The following RNASEL variants were observed in gnomAD, a reference collection of about 807,000 sequenced individuals.
The protein encoded by RNASEL is ribonuclease L, also known as 2-5A-dependent ribonuclease.
Under a neutral mutation model 50.9 loss-of-function variants are expected in RNASEL, and 36 were observed. That is an observed-to-expected ratio of 0.71 (90% CI 0.54 to 0.93). RNASEL has a LOEUF of 0.93. Among genes scored for constraint, RNASEL ranks in the 40% least tolerant of loss-of-function variants. The probability of loss-of-function intolerance (pLI) is 0.00; values close to 1 mark genes in which losing one functional copy is unlikely to be tolerated. For synonymous variants in RNASEL, 335 were observed against 335.6 expected (o/e 1.00, Z 0.02); for missense variants, 860 against 894.5 (o/e 0.96, Z 0.49).
intron 3 of RNASEL, among the ~76,000 whole-genome samples, chr1:182,583,495 T>C (rs1285015249): frequency 5.3e-5 from 8 of 152,126 alleles, no homozygotes; most frequent in Non-Finnish European, 1.0e-4. Flanking sequence ...GAGTGTCAAC[T>C]TGATTGAGTT....
At position 182,586,447 on chromosome 1, in the gene RNASEL, C is replaced by G; in HGVS notation, c.360G>C (p.Glu120Asp). ...LFLSKGADVN[E>D]CDFYGFTAFM... ...AGGCTGTGAAGCCATAAAAATCACA[C>G]TCATTGACATCTGCTCCTTTAGAAA... The change falls in exon 2 of 7, where the codon GAG becomes GAC. Residue 120 changes from glutamate (E) to aspartate (D), a missense_variant. Transcript: ENST00000367559. The G allele has an allele frequency of 6.2e-7, 1 of 1,614,224 alleles. No homozygotes were observed. The highest frequency in any genetic ancestry group is 8.5e-7 in the Non-Finnish European group (1 of 1,180,026).
chr1:182,587,841 T>G (rs886444155), intron 1 of RNASEL, among the ~76,000 whole-genome samples: 9 of 152,244 alleles, frequency 5.9e-5, no homozygotes, highest in African/African-American at 2.2e-4. Context: ...CTTATGTTTT[T>G]TGACTTTGAT....
chr1:182,588,083 G>A (rs543809726), intron 1 of RNASEL, among the ~76,000 whole-genome samples: 27 of 152,290 alleles, frequency 1.8e-4, no homozygotes, highest in African/African-American at 2.6e-4. Flanking sequence ...AAGCTATGAC[G>A]TTCAGTAGAT....
intron 5 of RNASEL, among the ~76,000 whole-genome samples, chr1:182,580,427 G>C (rs1297815896): frequency 6.6e-6 from 1 of 152,214 alleles, no homozygotes; most frequent in African/African-American, 2.4e-5. Context: ...GGAAGCTGTT[G>C]GTTTCCAAGA....
chr1:182,576,175 T>A, intron 6 of RNASEL, 81 bp downstream of exon 6: 1 of 1,451,894 alleles, frequency 6.9e-7, no homozygotes, highest in South Asian at 1.2e-5. Flanking sequence ...CTTTTTTCCA[T>A]CGTAGATATA....
chr1:182,586,285 G>A lies in RNASEL; in HGVS notation c.522C>T (p.Asp174=), dbSNP rs771198323. 5.0e-6 allele frequency: 8 copies of A among 1,614,020 alleles called. No homozygotes were observed. Among genetic ancestry groups the A allele is most frequent in the Admixed American group, 1.7e-5 (1 of 59,992 alleles). The stretch of plus-strand genomic sequence containing the variant: ...CCTCTACGTGTCCTTTTTCAGCAGC[G>A]TCCATGAGAGCTGTGGCCCCTCCTT... ...LRKGGATALM[D]AAEKGHVEVL... is the part of the protein sequence containing the mutation. Residue 174 remains aspartate, a synonymous_variant, in exon 2 of 7, where the codon GAC becomes GAT. Coordinates refer to ENST00000367559, the MANE Select transcript of RNASEL (RefSeq NM_021133.4).
Position 182,574,591 on chromosome 1 carries a change from G to T in RNASEL, c.*801C>A, listed in dbSNP as rs1481112247. The T allele has an allele frequency of 4.3e-6, 1 of 232,550 alleles. No homozygotes were observed. The highest frequency in any genetic ancestry group is 8.5e-6 in the Non-Finnish European group (1 of 117,832). The allele number at this position is 232,550 out of a possible 1,614,324, so 14.4% of individuals were successfully genotyped here. ...TGTCTGGATAATTCTTTGTTGCAGG[G>T]GCTGTCCTGTGCAAGGCAGGTTTGG... On this transcript the variant is annotated 3_prime_UTR_variant, in exon 7 of 7. Coordinates refer to ENST00000367559, the MANE Select transcript of RNASEL (RefSeq NM_021133.4).
At position 182,575,555 on chromosome 1, in the gene RNASEL, G is replaced by A. The variant is rs1236737170; in HGVS notation, c.2063C>T (p.Pro688Leu). 1.9e-6 allele frequency: 3 copies of A among 1,614,154 alleles called. No homozygotes were observed. Among genetic ancestry groups the A allele is most frequent in the Middle Eastern group, 1.7e-4 (1 of 6,060 alleles). Residue 688 changes from proline to leucine, a missense_variant, in exon 7 of 7, where the codon CCT (proline) becomes CTT (leucine). Pro to Leu is a moderately conservative substitution (Grantham distance 98). Transcript: ENST00000367559. ...HKKMKLKIGD[P>L]SLYFQKTFPD... ...AAATGTCTTCTGAAAATACAGGGAA[G>A]GGTCTCCAATTTTTAATTTCATCCT...
chr1:182,579,796 T>A, intron 5 of RNASEL: 18 of 1,068,116 alleles, frequency 1.7e-5, no homozygotes, highest in South Asian at 6.7e-5. Flanking sequence ...TCTCTGACTG[T>A]CCAGCATGAG....
intron 3 of RNASEL, among the ~76,000 whole-genome samples, chr1:182,582,917 G>T (rs1012717925): frequency 5.3e-5 from 8 of 152,160 alleles, no homozygotes; most frequent in Admixed American, 6.5e-5. Flanking sequence ...TGGGGGCTTT[G>T]GTCTACAGCG....
chr1:182,585,242 C>T, intron 2 of RNASEL, 85 bp downstream of exon 2: 1 of 1,344,894 alleles, frequency 7.4e-7, no homozygotes, highest in Non-Finnish European at 1.0e-6. Context: ...TACTCTAGGC[C>T]TTTCCTCTCT....
chr1:182,581,084 G>T, intron 5 of RNASEL, 141 bp downstream of exon 5: 2 of 1,224,122 alleles, frequency 1.6e-6, no homozygotes, highest in Admixed American at 1.7e-5. Context: ...AGGGGGATAG[G>T]GATGGGAGGG....
rs1661613536 is a variant in RNASEL, at chr1:182,586,972, T to G, written c.-164-2A>C. The stretch of plus-strand genomic sequence containing the variant: ...GTTCTCAGTCTTCTGACATTCCACC[T>G]GGCAACGAAGAGAGGTGCTTTGTAA... On this transcript the variant is annotated splice_acceptor_variant, in intron 1 of 6. Transcript: ENST00000367559. LOFTEE classifies it low-confidence loss of function (5UTR_SPLICE). 3 of 843,960 alleles carry G rather than the reference T, an allele frequency of 3.6e-6. No individual in the cohort carries two copies. 52.3% of individuals were successfully genotyped at this position (843,960 alleles called of 1,614,324 possible). A position where few individuals can be genotyped will look rare whatever the true frequency, so the allele number is the denominator to read the frequency against.
At chr1:182,585,302 A>C (rs1030188408) in intron 2 of RNASEL, 25 bp downstream of exon 2, 1 of 1,609,608 alleles carries the variant, frequency 6.2e-7, no homozygotes, top group African/African-American at 1.3e-5. Flanking sequence ...AATTTCTAAG[A>C]GAGAATTGGG....
intron 4 of RNASEL, among the ~76,000 whole-genome samples, chr1:182,581,690 C>A (rs1195783824): frequency 1.3e-5 from 2 of 151,864 alleles, no homozygotes; most frequent in African/African-American, 2.4e-5. Flanking sequence ...CCATGCTGAC[C>A]AGGCTGGTCT....
rs1389481258 is a variant in RNASEL at position 182,586,301 on chromosome 1, G to GC, written c.505dup (p.Ala169GlyfsTer9). On this transcript the variant is annotated frameshift_variant, in exon 2 of 7. Coordinates refer to ENST00000367559, the MANE Select transcript of RNASEL (RefSeq NM_021133.4). LOFTEE classifies it high-confidence loss of function. The stretch of plus-strand genomic sequence containing the variant: ...TTCAGCAGCGTCCATGAGAGCTGTG[G>GC]CCCCTCCTTTCCTCAGCCGCTCTTG... 1 of 1,614,104 alleles carries GC rather than the reference G, an allele frequency of 6.2e-7. No homozygotes were observed.
In RNASEL at chr1:182,586,103, C is replaced by G; in HGVS notation, c.704G>C (p.Arg235Thr). Reference protein sequence around the residue: ...LLDHGADVNVRGERGKTPLIL... With the variant: ...LLDHGADVNVTGERGKTPLIL... ...CAGGGGAGTCTTCCCTCTTTCTCCC[C>G]TCACATTGACATCAGCCCCATGGTC... Residue 235 changes from arginine (R) to threonine (T), a missense_variant, in exon 2 of 7, where the codon AGG (arginine) becomes ACG (threonine). Transcript: ENST00000367559. 2 of 1,614,170 alleles carry G rather than the reference C, an allele frequency of 1.2e-6. No individual in the cohort carries two copies. The highest frequency in any genetic ancestry group is 1.7e-6 in the Non-Finnish European group (2 of 1,180,034).
chr1:182,579,434 G>T, intron 5 of RNASEL: 2 of 996,938 alleles, frequency 2.0e-6, no homozygotes, highest in Non-Finnish European at 2.4e-6. Context: ...AGTAACTGAT[G>T]AAAGAGCAAT....
chr1:182,580,802 G>C (rs1661478876), intron 5 of RNASEL, among the ~76,000 whole-genome samples: 1 of 152,196 alleles, frequency 6.6e-6, no homozygotes, highest in African/African-American at 2.4e-5. Flanking sequence ...CCTGAGAGCT[G>C]GGCTGTTTAC....
Sources: gnomAD v4.1 joint callset for allele counts (sites outside exome capture counted in the v4.1 genomes callset) on GRCh38, gnomAD v4.1.1 for gene constraint, MANE v1.5 for transcripts, NCBI Gene and HGNC (gene_info 2026-07-23, HGNC 2026-07-21) for gene names.